MYOM1: variants seen among roughly 807,000 people sequenced by gnomAD.
MYOM1 encodes myomesin-1.
In MYOM1, 164 loss-of-function variants were observed where a neutral mutation model predicts 205.3. The observed-to-expected ratio is 0.80, with a 90% CI of 0.70 to 0.91. The LOEUF (loss-of-function observed/expected upper bound fraction) is 0.91, where lower values mean the gene tolerates loss of function less well. Among genes scored for constraint, MYOM1 ranks in the 40% least tolerant of loss-of-function variants. The probability of loss-of-function intolerance (pLI) is 0.00; values close to 1 mark genes in which losing one functional copy is unlikely to be tolerated. For synonymous variants in MYOM1, 772 were observed against 789.4 expected (o/e 0.98, Z 0.37); for missense variants, 2,011 against 2,127.3 (o/e 0.95, Z 1.08).
chr18:3,186,057 G>A (rs545240708), intron 5 of MYOM1, among the ~76,000 whole-genome samples: 1 of 152,278 alleles, frequency 6.6e-6, no homozygotes, highest in Non-Finnish European at 1.5e-5. Context: ...TCAGCCAGGT[G>A]TGGTGGTATG....
At chr18:3,067,920 A>G (rs2078916904) in intron 37 of MYOM1, among the ~76,000 whole-genome samples, 1 of 152,188 alleles carries the variant, frequency 6.6e-6, no homozygotes, top group African/African-American at 2.4e-5. Context: ...GTCTCGGTAC[A>G]GGAATCTCAT....
chr18:3,067,568 T>C lies in MYOM1; in HGVS notation c.4765-13A>G, dbSNP rs1266534462. On this transcript the variant is annotated splice_polypyrimidine_tract_variant and intron_variant, in intron 37 of 37. Transcript: ENST00000356443. ...TGAGATTAAGGGCCTGCAAGACAGG[T>C]TTTATGGGAGAGAAGAAGATAAATT... 4 of 1,604,698 alleles carry C rather than the reference T, an allele frequency of 2.5e-6. No individual in the cohort carries two copies. The highest frequency in any genetic ancestry group is 3.4e-6 in the Non-Finnish European group (4 of 1,173,348).
At chr18:3,182,708 CAT>C in intron 5 of MYOM1, among the ~76,000 whole-genome samples, 1 of 152,180 alleles carries the variant, frequency 6.6e-6, no homozygotes, top group Non-Finnish European at 1.5e-5. Context: ...CAAAAACAAA[CAT>C]AAATGCTTTT....
chr18:3,149,008 G>A, intron 13 of MYOM1, 137 bp downstream of exon 13: 2 of 727,980 alleles, frequency 2.7e-6, no homozygotes, highest in Non-Finnish European at 4.9e-6. Flanking sequence ...TCTGACATAA[G>A]TTATTTACAA....
intron 25 of MYOM1, among the ~76,000 whole-genome samples, chr18:3,097,548 C>T (rs547052492): frequency 2.6e-5 from 4 of 152,164 alleles, no homozygotes; most frequent in Admixed American, 6.5e-5. Context: ...CTCAGTCTCT[C>T]GAGGAGCTGC....
chr18:3,247,326 C>A, the MYOM1 span: 2 of 152,332 alleles, frequency 1.3e-5, no homozygotes, highest in African/African-American at 4.8e-5. Flanking sequence ...TGCTCCGGGG[C>A]CCTCAGGCGG....
At chr18:3,222,643 G>C (rs979310551), upstream of MYOM1, among the ~76,000 whole-genome samples, 2 of 152,110 alleles carry the variant, frequency 1.3e-5, no homozygotes, top group Non-Finnish European at 2.9e-5. Flanking sequence ...CTCTTCTTCT[G>C]TAACATTTCT....
chr18:3,079,180 T>C lies in MYOM1; in HGVS notation c.4647A>G (p.Gln1549=), dbSNP rs201641515. The change falls in exon 34 of 38, where the codon CAA becomes CAG. Residue 1549 remains glutamine (Q), a splice_region_variant and synonymous_variant. Coordinates refer to ENST00000356443, the MANE Select transcript of MYOM1 (RefSeq NM_003803.4). ...TGAATCTGCAAAATATCTGTTTACC[T>C]TGTCCAGAGAGATCCACTGTCTTCT... The part of the protein sequence containing the change: ...GHQKTVDLSG[Q]AYDEAYAEFQ... The C allele has an allele frequency of 2.5e-6, 4 of 1,613,564 alleles. No individual in the cohort carries two copies. The African/African-American group carries it at 4.0e-5, about 16-fold the overall frequency.
At chr18:3,075,554 T>G in intron 35 of MYOM1, 78 bp from the exon 36 acceptor site, 1 of 1,516,216 alleles carries the variant, frequency 6.6e-7, no homozygotes, top group Non-Finnish European at 9.2e-7. Flanking sequence ...CTTGACGACA[T>G]TTTCCTTGCC....
At chr18:3,197,717 C>T (rs2081009338) in intron 2 of MYOM1, among the ~76,000 whole-genome samples, 2 of 151,446 alleles carry the variant, frequency 1.3e-5, no homozygotes, top group African/African-American at 4.9e-5. Context: ...ACTAAAAATA[C>T]AAAAAATTAG....
At chr18:3,109,589 C>T (rs6506065) in intron 22 of MYOM1, among the ~76,000 whole-genome samples, 33,258 of 152,004 alleles carry the variant, frequency 0.22, 3,862 homozygotes, top group African/African-American at 0.28. Context: ...TCTTAACCTG[C>T]TCATGAATGT....
At chr18:3,197,636 G>T (rs2081006452) in intron 2 of MYOM1, among the ~76,000 whole-genome samples, 4 of 152,070 alleles carry the variant, frequency 2.6e-5, no homozygotes, top group Admixed American at 2.0e-4. Flanking sequence ...CACGTTGGGA[G>T]GCCAAGGCGG....
chr18:3,108,761 G>A (rs1281592732), intron 22 of MYOM1, among the ~76,000 whole-genome samples: 1 of 151,978 alleles, frequency 6.6e-6, no homozygotes, highest in Non-Finnish European at 1.5e-5. Flanking sequence ...GGCTGATCTC[G>A]AACTCCTGAC....
intron 5 of MYOM1, among the ~76,000 whole-genome samples, chr18:3,176,882 G>A (rs112547207): frequency 2.8e-5 from 4 of 143,162 alleles, no homozygotes; most frequent in African/African-American, 7.7e-5. Flanking sequence ...ACTCCATCTC[G>A]AAAAAAAAAA....
chr18:3,099,215 C>T lies in MYOM1; in HGVS notation c.3727+944G>A, dbSNP rs183738035. Among the ~76,000 whole-genome samples, 8 of 152,246 alleles carry T rather than the reference C, an allele frequency of 5.3e-5. No individual in the cohort carries two copies. In the East Asian group the frequency reaches 1.4e-3, roughly 26 times the overall value. ...CTCCTTGCAGATGTAAGAGAAGGTC[C>T]GCAATTCATTCTAGAGCAGTGGTGT... On this transcript the variant is annotated intron_variant, in intron 25 of 37. Coordinates refer to ENST00000356443, the MANE Select transcript of MYOM1 (RefSeq NM_003803.4).
intron 14 of MYOM1, among the ~76,000 whole-genome samples, chr18:3,138,488 C>A (rs1415608214): frequency 2.0e-5 from 3 of 152,134 alleles, no homozygotes; most frequent in East Asian, 3.8e-4. Flanking sequence ...TTGGTTTCGT[C>A]TTCTATGAAA....
chr18:3,112,164 T>C, intron 22 of MYOM1, 134 bp downstream of exon 22: 1 of 699,990 alleles, frequency 1.4e-6, no homozygotes, highest in Admixed American at 2.5e-5. Context: ...TGTTCTAAGA[T>C]CATTACTTAT....
At chr18:3,226,015 A>C in the MYOM1 span, among the ~76,000 whole-genome samples, 1 of 152,224 alleles carries the variant, frequency 6.6e-6, no homozygotes, top group Non-Finnish European at 1.5e-5. The surrounding 1 kb of genome is among the most constrained non-coding windows in gnomAD (Gnocchi z 4.6). Context: ...TTGCACTTCG[A>C]GAAGAGAGAT....
At position 3,094,311 on chromosome 18, in the gene MYOM1, G is replaced by A; in HGVS notation, c.3728-5C>T. On this transcript the variant is annotated splice_polypyrimidine_tract_variant and splice_region_variant and intron_variant, in intron 25 of 37. Coordinates refer to ENST00000356443, the MANE Select transcript of MYOM1 (RefSeq NM_003803.4). ...ACTCTGATTTAACTGGGACAGCTAT[G>A]AAAAGTAAAAATAAACACAGTAATT... The A allele has an allele frequency of 2.6e-6, 4 of 1,554,832 alleles. No individual in the cohort carries two copies. Among genetic ancestry groups the A allele is most frequent in the South Asian group, 1.2e-5 (1 of 85,390 alleles).
Sources: gnomAD v4.1 joint callset for allele counts (sites outside exome capture counted in the v4.1 genomes callset) on GRCh38, gnomAD v4.1.1 for gene constraint, Gnocchi (gnomAD v3.1) non-coding constraint, MANE v1.5 for transcripts, NCBI Gene and HGNC (gene_info 2026-07-23, HGNC 2026-07-21) for gene names.